Variants in HACD2 observed in about 807,000 individuals in gnomAD.
HACD2 encodes the protein 3-hydroxyacyl-CoA dehydratase 2.
A neutral mutation model predicts 31.0 loss-of-function variants in HACD2; 15 were observed. The observed-to-expected ratio is 0.48, with a 90% CI of 0.32 to 0.75. The LOEUF is 0.75. Ranked by LOEUF, HACD2 falls within the 30% of genes least tolerant of loss-of-function variation. The probability of loss-of-function intolerance (pLI) is 0.03; values close to 1 mark genes in which losing one functional copy is unlikely to be tolerated. For missense variants in HACD2, 283 were observed against 313.0 expected (o/e 0.90, Z 0.72); for synonymous variants, 115 against 122.2 (o/e 0.94, Z 0.39).
intron 4 of HACD2, among the ~76,000 whole-genome samples, chr3:123,527,827 T>G (rs2056303164): frequency 6.6e-6 from 1 of 152,218 alleles, no homozygotes; most frequent in South Asian, 2.1e-4. Context: ...GGCATTACAT[T>G]TGCGGGTAGA....
intron 4 of HACD2, among the ~76,000 whole-genome samples, chr3:123,524,408 G>C (rs1332534211): frequency 6.6e-6 from 1 of 152,144 alleles, no homozygotes; most frequent in Non-Finnish European, 1.5e-5. Flanking sequence ...AGGCTAATTA[G>C]AAGGATTCAT....
intron 3 of HACD2, among the ~76,000 whole-genome samples, chr3:123,558,256 G>C (rs879687167): frequency 6.6e-6 from 1 of 152,332 alleles, no homozygotes; most frequent in Non-Finnish European, 1.5e-5. Flanking sequence ...CAGGGCTCTG[G>C]GGGATAAACA....
intron 6 of HACD2, chr3:123,499,628 T>C: frequency 4.4e-6 from 2 of 456,670 alleles, no homozygotes; most frequent in South Asian, 1.5e-5. Flanking sequence ...AGTCCAACCC[T>C]GTCTGATTTA....
intron 3 of HACD2, among the ~76,000 whole-genome samples, chr3:123,561,700 T>C (rs918008776): frequency 6.6e-6 from 1 of 151,720 alleles, no homozygotes; most frequent in Non-Finnish European, 1.5e-5. Flanking sequence ...AGAAAAGATA[T>C]AACACTTCTT....
rs988694822 is a variant in HACD2 at position 123,528,580 on chromosome 3, T to C, written c.293-106A>G. On this transcript the variant is annotated intron_variant, in intron 3 of 6. Transcript: ENST00000383657. ...TTAAATGTTTAGAGTCAAAACGGTCTTGAGCAACTGAAAGGTGTCTATATT... is the reference window on the plus strand; with the variant it reads ...TTAAATGTTTAGAGTCAAAACGGTCCTGAGCAACTGAAAGGTGTCTATATT... 6.9e-6 allele frequency: 5 copies of C among 721,274 alleles called. No individual in the cohort carries two copies. In the African/African-American group the frequency reaches 8.8e-5, roughly 13 times the overall value. 44.7% of individuals were successfully genotyped at this position (721,274 alleles called of 1,614,324 possible).
chr3:123,499,556 G>C (rs1197834535), intron 6 of HACD2: 1 of 433,346 alleles, frequency 2.3e-6, no homozygotes, highest in East Asian at 7.0e-5. Flanking sequence ...TTTCCACAGA[G>C]GGACACAAGC....
chr3:123,520,938 T>C (rs2056206844), intron 4 of HACD2, among the ~76,000 whole-genome samples: 1 of 152,190 alleles, frequency 6.6e-6, no homozygotes, highest in South Asian at 2.1e-4. Flanking sequence ...AAGGTAATGA[T>C]TTTTTCTTCC....
chr3:123,532,832 T>TC (rs1238805307), intron 3 of HACD2, among the ~76,000 whole-genome samples: 1 of 36,660 alleles, frequency 2.7e-5, no homozygotes, highest in African/African-American at 1.0e-4. Flanking sequence ...AGACTCCGTC[T>TC]CAAAAAAAAA....
intron 6 of HACD2, chr3:123,499,171 G>C (rs576407746): frequency 1.3e-5 from 2 of 155,516 alleles, no homozygotes; most frequent in South Asian, 4.0e-4. Flanking sequence ...AAAGCCTGTG[G>C]TGCCCACTGG....
Position 123,584,929 on chromosome 3 carries a change from G to A in HACD2, c.99C>T (p.Gly33=). 1.3e-6 allele frequency: 2 copies of A among 1,530,248 alleles called. No homozygotes were observed. The highest frequency in any genetic ancestry group is 1.8e-6 in the Non-Finnish European group (2 of 1,138,462). 94.8% of individuals were successfully genotyped at this position (1,530,248 alleles called of 1,614,324 possible). A position where few individuals can be genotyped will look rare whatever the true frequency, so the allele number is the denominator to read the frequency against. The change falls in exon 1 of 7, where the codon GGC becomes GGT. Residue 33 remains glycine, a synonymous_variant. Transcript: ENST00000383657. ...GDASGTRKKK[G]PGPLATAYLV... ...GGTACGCCGTGGCCAGGGGCCCCGG[G>A]CCCTTCTTCTTCCGCGTGCCGCTGG...
At chr3:123,514,353 G>A (rs1283371616) in intron 4 of HACD2, among the ~76,000 whole-genome samples, 1 of 152,120 alleles carries the variant, frequency 6.6e-6, no homozygotes, top group Non-Finnish European at 1.5e-5. Flanking sequence ...TCTGAGTGAA[G>A]AGAATATGAG....
intron 4 of HACD2, among the ~76,000 whole-genome samples, chr3:123,511,877 G>T (rs1249997256): frequency 6.6e-6 from 1 of 152,146 alleles, no homozygotes; most frequent in African/African-American, 2.4e-5. Context: ...TGGGACCTGG[G>T]GAGAGGGTGA....
chr3:123,574,762 C>T (rs2056891313), intron 2 of HACD2, among the ~76,000 whole-genome samples: 1 of 152,100 alleles, frequency 6.6e-6, no homozygotes, highest in Admixed American at 6.5e-5. Context: ...CAAAATACCA[C>T]GCCCCTCCAG....
rs773060790 is a variant in HACD2 at position 123,584,962 on chromosome 3, G to A, written c.66C>T (p.Ala22=). Residue 22 remains alanine, a synonymous_variant, in exon 1 of 7, where the codon GCC becomes GCT. Coordinates refer to ENST00000383657, the MANE Select transcript of HACD2 (RefSeq NM_198402.5). ...TCTTCCGCGTGCCGCTGGCGTCCCC[G>A]GCCCCGGCCCTGCCACCGCCGCCCC... is the stretch of plus-strand genomic sequence containing the variant. ...GNGGGGGRAG[A]GDASGTRKKK... is the part of the protein sequence containing the mutation. The A allele has an allele frequency of 3.9e-6, 6 of 1,526,490 alleles. No individual in the cohort carries two copies. The African/African-American group carries it at 8.6e-5, about 22-fold the overall frequency. 94.6% of individuals were successfully genotyped at this position (1,526,490 alleles called of 1,614,324 possible). A position where few individuals can be genotyped will look rare whatever the true frequency, so the allele number is the denominator to read the frequency against.
At chr3:123,515,841 C>T (rs1417702273) in intron 4 of HACD2, among the ~76,000 whole-genome samples, 2 of 151,934 alleles carry the variant, frequency 1.3e-5, no homozygotes, top group Non-Finnish European at 2.9e-5. Context: ...CTGCAATCTC[C>T]GCCTCTCCAG....
intron 4 of HACD2, among the ~76,000 whole-genome samples, chr3:123,522,095 C>T (rs1373902040): frequency 1.3e-5 from 2 of 151,878 alleles, no homozygotes; most frequent in African/African-American, 4.8e-5. Context: ...TGTGTGAGGC[C>T]AGGAATTGGA....
At chr3:123,523,196 G>A (rs775926632) in intron 4 of HACD2, among the ~76,000 whole-genome samples, 2 of 152,212 alleles carry the variant, frequency 1.3e-5, no homozygotes, top group African/African-American at 2.4e-5. Flanking sequence ...AACAGGTCCG[G>A]AAGCAGGGGC....
chr3:123,499,382 G>C (rs1112274), intron 6 of HACD2: 17,690 of 198,870 alleles, frequency 0.089, 1,132 homozygotes, highest in African/African-American at 0.2. Context: ...CATTTGAAGA[G>C]AGATGGCCTC....
intron 4 of HACD2, among the ~76,000 whole-genome samples, chr3:123,509,447 C>T (rs986939299): frequency 2.4e-4 from 37 of 151,700 alleles, no homozygotes; most frequent in Non-Finnish European, 3.1e-4. Flanking sequence ...GGCCTATAGG[C>T]CAACCTCTGT....
Sources: gnomAD v4.1 joint callset for allele counts (sites outside exome capture counted in the v4.1 genomes callset) on GRCh38, gnomAD v4.1.1 for gene constraint, MANE v1.5 for transcripts, NCBI Gene and HGNC (gene_info 2026-07-23, HGNC 2026-07-21) for gene names.